DDX19A: variants seen among roughly 807,000 people sequenced by gnomAD.
DDX19A encodes the protein DEAD-box helicase 19A, also known as ATP-dependent RNA helicase DDX19A.
DDX19A carries 12 observed loss-of-function variants against 60.6 expected under a neutral mutation model. The ratio of observed to expected loss-of-function variants is 0.20; its 90% CI spans 0.13 to 0.32. The LOEUF is 0.32. Among genes scored for constraint, DDX19A ranks in the 10% least tolerant of loss-of-function variants. The pLI is 1.00. For synonymous variants in DDX19A, 206 were observed against 218.2 expected (o/e 0.94, Z 0.49); for missense variants, 337 against 600.6 (o/e 0.56, Z 4.59).
At chr16:70,355,397 A>T in intron 2 of DDX19A, 88 bp from the exon 3 acceptor site, 1 of 985,556 alleles carries the variant, frequency 1.0e-6, no homozygotes, top group East Asian at 2.5e-5. Flanking sequence ...AAATAAAATA[A>T]ATTTCAGTGT....
rs150935746 is a variant in DDX19A, at chr16:70,355,444, A to C, written c.107-41A>C. 3.2e-4 allele frequency: 468 copies of C among 1,447,606 alleles called. 2 individuals are homozygous for C. The East Asian group carries it at 9.7e-3, about 30-fold the overall frequency. The allele number at this position is 1,447,606 out of a possible 1,614,324, so 89.7% of individuals were successfully genotyped here. A position where few individuals can be genotyped will look rare whatever the true frequency, so the allele number is the denominator to read the frequency against. On this transcript the variant is annotated intron_variant, in intron 2 of 11. Coordinates refer to ENST00000302243, the MANE Select transcript of DDX19A (RefSeq NM_018332.5). ...TTGTCCCACATTTTTGGTGGTTCTC[A>C]TATTTGCCTTTCTAATTATGACAAT...
intron 1 of DDX19A, among the ~76,000 whole-genome samples, chr16:70,349,063 T>C (rs1260521155): frequency 6.6e-6 from 1 of 152,164 alleles, no homozygotes; most frequent in African/African-American, 2.4e-5. Flanking sequence ...TGACGATTTG[T>C]TAGGAGAACT....
intron 4 of DDX19A, among the ~76,000 whole-genome samples, chr16:70,357,370 T>TG (rs1567652069): frequency 2.6e-4 from 8 of 31,016 alleles, no homozygotes; most frequent in Non-Finnish European, 5.2e-4. Flanking sequence ...TGGTTTGTTT[T>TG]TTTTTTTTTT....
chr16:70,350,691 C>T (rs1963984757), intron 2 of DDX19A, 86 bp downstream of exon 2: 3 of 1,013,816 alleles, frequency 3.0e-6, no homozygotes, highest in Non-Finnish European at 4.5e-6. Context: ...AAAGAGCTGT[C>T]ATTTCGTGTA....
intron 4 of DDX19A, 60 bp from the exon 5 acceptor site, chr16:70,361,358 T>C: frequency 8.3e-7 from 1 of 1,210,306 alleles, no homozygotes; most frequent in Non-Finnish European, 1.2e-6. Flanking sequence ...GATAAGATTC[T>C]AGGCCTCTAA....
At position 70,355,521 on chromosome 16, in the gene DDX19A, A is replaced by T; in HGVS notation, c.143A>T (p.Asp48Val). ...ACCAGTACCACTGCCGAGAAAACAGATGAAGAGGAGAAAGGTAACTACTTT... is the reference window on the plus strand; with the variant it reads ...ACCAGTACCACTGCCGAGAAAACAGTTGAAGAGGAGAAAGGTAACTACTTT... ...IKTSTTAEKT[D>V]EEEKEDRAAQ... The change falls in exon 3 of 12, where the codon GAT becomes GTT. Residue 48 changes from aspartate to valine, a missense_variant. Transcript: ENST00000302243. 1 of 1,614,034 alleles carries T rather than the reference A, an allele frequency of 6.2e-7. No homozygotes were observed. The highest frequency in any genetic ancestry group is 1.1e-5 in the South Asian group (1 of 91,084).
At chr16:70,366,600 A>G in intron 8 of DDX19A, 24 bp from the exon 9 acceptor site, 1 of 1,613,782 alleles carries the variant, frequency 6.2e-7, no homozygotes, top group South Asian at 1.1e-5. Flanking sequence ...ACCTGGGGCC[A>G]TCTACCCGGG....
intron 10 of DDX19A, 22 bp downstream of exon 10, chr16:70,370,407 C>G (rs1214531678): frequency 6.2e-7 from 1 of 1,601,622 alleles, no homozygotes; most frequent in African/African-American, 1.3e-5. Context: ...ACGTGTCCCA[C>G]CTGGTCTGCC....
chr16:70,365,986 T>C (rs1411787773), intron 7 of DDX19A, 99 bp from the exon 8 acceptor site: 1 of 1,568,362 alleles, frequency 6.4e-7, no homozygotes, highest in Non-Finnish European at 8.7e-7. Context: ...AATCTGGAAA[T>C]AACTTGTTCT....
intron 5 of DDX19A, chr16:70,363,335 T>C (rs1372078862): frequency 1.2e-5 from 1 of 86,938 alleles, no homozygotes; most frequent in African/African-American, 8.1e-5. Flanking sequence ...TTGTATTTTT[T>C]TGTCTGTTCG....
chr16:70,361,608 C>T (rs1049566448), intron 5 of DDX19A, 98 bp downstream of exon 5: 3 of 860,122 alleles, frequency 3.5e-6, no homozygotes, highest in African/African-American at 1.7e-5. Flanking sequence ...CTGTTTGGGG[C>T]CACGTGTTTC....
intron 2 of DDX19A, 46 bp downstream of exon 2, chr16:70,350,651 C>T (rs766017994): frequency 8.4e-6 from 12 of 1,436,468 alleles, no homozygotes; most frequent in East Asian, 6.8e-5. Context: ...CCATGTGGGC[C>T]GCTGCTTTGC....
intron 3 of DDX19A, 102 bp from the exon 4 acceptor site, chr16:70,356,010 G>C (rs1296429141): frequency 1.7e-5 from 25 of 1,474,234 alleles, no homozygotes; most frequent in South Asian, 2.4e-5. Context: ...CTCCAGCCGT[G>C]CTTGACTGCC....
intron 4 of DDX19A, chr16:70,357,047 G>A: frequency 3.7e-6 from 1 of 271,240 alleles, no homozygotes; most frequent in South Asian, 3.3e-5. Flanking sequence ...AGGAGTTCAA[G>A]ACCAGCCTGA....
At chr16:70,369,468 G>A (rs991851194) in intron 9 of DDX19A, among the ~76,000 whole-genome samples, 7 of 151,910 alleles carry the variant, frequency 4.6e-5, no homozygotes, top group Non-Finnish European at 5.9e-5. Flanking sequence ...ATGAGCCACC[G>A]CGCCTGGCCC....
intron 2 of DDX19A, among the ~76,000 whole-genome samples, chr16:70,353,802 G>GAGGC (rs924639218): frequency 6.6e-6 from 1 of 151,632 alleles, no homozygotes; most frequent in African/African-American, 2.4e-5. Context: ...TCGGGAGGCT[G>GAGGC]AGGCAGAGGA....
chr16:70,356,286 T>TC, intron 4 of DDX19A, 39 bp downstream of exon 4: 1 of 1,611,262 alleles, frequency 6.2e-7, no homozygotes, highest in Non-Finnish European at 8.5e-7. Flanking sequence ...TCGTTGCCAG[T>TC]CTCTCCCCAC....
At chr16:70,352,554 A>G (rs1964051069) in intron 2 of DDX19A, among the ~76,000 whole-genome samples, 1 of 150,958 alleles carries the variant, frequency 6.6e-6, no homozygotes, top group South Asian at 2.1e-4. Context: ...AAGTGCTGGG[A>G]TTACAGGCGT....
At chr16:70,359,240 A>G (rs756222915) in intron 4 of DDX19A, among the ~76,000 whole-genome samples, 34 of 152,360 alleles carry the variant, frequency 2.2e-4, no homozygotes, top group Non-Finnish European at 4.1e-4. Context: ...TTGAGTCCCA[A>G]TTAAGGTAGT....
Sources: allele counts gnomAD v4.1 joint callset (sites outside exome capture counted in the v4.1 genomes callset), GRCh38; gene constraint gnomAD v4.1.1; transcripts MANE v1.5; gene names NCBI Gene and HGNC (gene_info 2026-07-23, HGNC 2026-07-21).